Variants in ARRB1 observed in about 807,000 individuals in gnomAD.
The protein encoded by ARRB1 is beta-arrestin-1.
Under a neutral mutation model 56.8 loss-of-function variants are expected in ARRB1, and 21 were observed. The observed-to-expected ratio is 0.37, with a 90% CI of 0.26 to 0.53. The LOEUF (loss-of-function observed/expected upper bound fraction) is 0.53. Among genes scored for constraint, ARRB1 ranks in the 20% least tolerant of loss-of-function variants. ARRB1 has a pLI of 0.88. For synonymous variants in ARRB1, 210 were observed against 218.6 expected, an observed-to-expected ratio of 0.96 and a Z score of 0.35; for missense variants, 424 against 553.7, an observed-to-expected ratio of 0.77 and a Z score of 2.35.
At chr11:75,267,598 A>ACCCC in intron 15 of ARRB1, 54 bp downstream of exon 15, 19 of 1,419,702 alleles carry the variant, frequency 1.3e-5, no homozygotes, top group Non-Finnish European at 1.9e-5. Flanking sequence ...GACCCCCTCC[A>ACCCC]CCCCGCCCAC....
At chr11:75,268,510 C>CAAAAAAAAAAAAAAAAA (rs61409833) in intron 14 of ARRB1, among the ~76,000 whole-genome samples, 2 of 61,444 alleles carry the variant, frequency 3.3e-5, no homozygotes, top group Admixed American at 2.3e-4. Flanking sequence ...GTCTCAAAAC[C>CAAAAAAAAAAAAAAAAA]AAAAAAAAAA....
intron 1 of ARRB1, among the ~76,000 whole-genome samples, chr11:75,291,038 C>T (rs1164533656): frequency 2.6e-5 from 4 of 152,222 alleles, no homozygotes; most frequent in African/African-American, 4.8e-5. Context: ...GCACCCAGAA[C>T]AGCACTGCAA....
Position 75,267,717 on chromosome 11 carries a change from G to T in ARRB1, c.1094-14C>A. On this transcript the variant is annotated splice_polypyrimidine_tract_variant and intron_variant, in intron 14 of 15. Transcript: ENST00000420843. ...CGTTCTCTGGAACTAAACACAGGGTGGGTGGGCAGGGTGTCCAGGGATTAG... is the reference window on the plus strand; with the variant it reads ...CGTTCTCTGGAACTAAACACAGGGTTGGTGGGCAGGGTGTCCAGGGATTAG... 4.5e-6 allele frequency: 7 copies of T among 1,556,672 alleles called. No homozygotes were observed. The highest frequency in any genetic ancestry group is 1.4e-5 in the African/African-American group (1 of 73,758).
intron 2 of ARRB1, among the ~76,000 whole-genome samples, chr11:75,289,160 A>C (rs1344924068): frequency 6.6e-6 from 1 of 152,182 alleles, no homozygotes; most frequent in Non-Finnish European, 1.5e-5. Context: ...GCTATTTGCC[A>C]ACCCAGGCCA....
chr11:75,317,419 C>T (rs1253368964), intron 1 of ARRB1, among the ~76,000 whole-genome samples: 1 of 152,130 alleles, frequency 6.6e-6, no homozygotes, highest in Non-Finnish European at 1.5e-5. Context: ...TCCCCCAACC[C>T]CCGACGGCAT....
intron 2 of ARRB1, among the ~76,000 whole-genome samples, chr11:75,289,759 C>T (rs527913073): frequency 1.6e-4 from 24 of 152,266 alleles, no homozygotes; most frequent in Non-Finnish European, 3.1e-4. Flanking sequence ...TATGACAGGC[C>T]GTCTCTCCCT....
At chr11:75,342,709 G>A (rs927797516) in intron 1 of ARRB1, among the ~76,000 whole-genome samples, 4 of 152,120 alleles carry the variant, frequency 2.6e-5, no homozygotes, top group East Asian at 1.9e-4. Context: ...AGAATGGAGC[G>A]CGCCCTCCAG....
chr11:75,303,658 G>A (rs375761371), intron 1 of ARRB1: 27 of 456,298 alleles, frequency 5.9e-5, no homozygotes, highest in East Asian at 2.1e-4. Context: ...ACAGGGCAGC[G>A]GAAGGCAGAC....
rs1406475359 is a variant in ARRB1 at position 75,262,890 on chromosome 11, A to G, written c.*3273T>C. 6.6e-6 allele frequency among the ~76,000 whole-genome samples: 1 copy of G among 152,208 alleles called. No individual in the cohort carries two copies. The highest frequency in any genetic ancestry group is 2.4e-5 in the African/African-American group (1 of 41,442). On this transcript the variant is annotated 3_prime_UTR_variant, in exon 16 of 16. Transcript: ENST00000420843. ...CCCACTCTAGCAGGTCTGAGCTTTG[A>G]GGCTGAGGAGAGGTGCAGCCAAATA...
chr11:75,328,925 G>A (rs1788757899), intron 1 of ARRB1, among the ~76,000 whole-genome samples: 1 of 152,150 alleles, frequency 6.6e-6, no homozygotes, highest in African/African-American at 2.4e-5. Flanking sequence ...AGTGGAACGG[G>A]AACGGCTGGG....
At chr11:75,332,240 G>A (rs1591983466) in intron 1 of ARRB1, among the ~76,000 whole-genome samples, 1 of 152,336 alleles carries the variant, frequency 6.6e-6, no homozygotes, top group South Asian at 2.1e-4. Flanking sequence ...ACAGGGATGT[G>A]TGTGACAATT....
chr11:75,332,826 C>T (rs1328225430), intron 1 of ARRB1, among the ~76,000 whole-genome samples: 2 of 151,900 alleles, frequency 1.3e-5, no homozygotes, highest in African/African-American at 2.4e-5. Context: ...ACCCGGGAGG[C>T]GGAGGTTGCA....
intron 1 of ARRB1, among the ~76,000 whole-genome samples, chr11:75,341,872 G>C (rs1304686095): frequency 6.6e-6 from 1 of 152,196 alleles, no homozygotes; most frequent in African/African-American, 2.4e-5. Context: ...TTCCCACCCA[G>C]TCTAGGCTGG....
At chr11:75,313,221 C>G (rs1201712396) in intron 1 of ARRB1, among the ~76,000 whole-genome samples, 1 of 152,152 alleles carries the variant, frequency 6.6e-6, no homozygotes, top group African/African-American at 2.4e-5. Context: ...CGTGGTGGCT[C>G]TTGCCTGTAA....
chr11:75,273,700 ATGT>A (rs10531352), intron 11 of ARRB1, among the ~76,000 whole-genome samples: 125,590 of 151,580 alleles, frequency 0.83, 52,722 homozygotes, highest in Admixed American at 0.89. Flanking sequence ...GGGGCACCCC[ATGT>A]TGGGTCTAAC....
At chr11:75,290,820 C>T (rs147273054) in intron 1 of ARRB1, among the ~76,000 whole-genome samples, 1 of 152,320 alleles carries the variant, frequency 6.6e-6, no homozygotes, top group East Asian at 1.9e-4. Flanking sequence ...TGCTCAGCTG[C>T]TCTCAGACTC....
At chr11:75,327,449 G>A (rs183019959) in intron 1 of ARRB1, among the ~76,000 whole-genome samples, 5 of 151,944 alleles carry the variant, frequency 3.3e-5, no homozygotes, top group South Asian at 2.1e-4. Context: ...TTACAGGTGC[G>A]AACCACATCA....
rs2140382296 is a variant in ARRB1 at position 75,262,030 on chromosome 11, C to T, written c.*4133G>A. On this transcript the variant is annotated 3_prime_UTR_variant, in exon 16 of 16. Coordinates refer to ENST00000420843, the MANE Select transcript of ARRB1 (RefSeq NM_004041.5). ...CCACTGCATCCGCTGTGGCTCGGCT[C>T]TCAGGACAAAAGGCTTGGGTTTTTC... is the stretch of plus-strand genomic sequence containing the variant. 3 of 152,266 alleles carry T rather than the reference C, an allele frequency of 2.0e-5. 1 individual carries two copies. The Middle Eastern group carries it at 0.01, about 518-fold the overall frequency. 9.4% of individuals were successfully genotyped at this position (152,266 alleles called of 1,614,324 possible). A position where few individuals can be genotyped will look rare whatever the true frequency, so the allele number is the denominator to read the frequency against.
At chr11:75,348,484 C>T (rs1947804591) in intron 1 of ARRB1, among the ~76,000 whole-genome samples, 1 of 152,144 alleles carries the variant, frequency 6.6e-6, no homozygotes, top group South Asian at 2.1e-4. Flanking sequence ...ATCCCCAGGC[C>T]CTGGGCACTC....
Sources: allele counts gnomAD v4.1 joint callset (sites outside exome capture counted in the v4.1 genomes callset), GRCh38; gene constraint gnomAD v4.1.1; transcripts MANE v1.5; gene names NCBI Gene and HGNC (gene_info 2026-07-23, HGNC 2026-07-21).